Variants in ADK observed in about 807,000 individuals in gnomAD.
The protein encoded by ADK is adenosine kinase, also known as N6,N6-dimethyladenosine kinase.
Under a neutral mutation model 44.7 loss-of-function variants are expected in ADK, and 24 were observed. That is an observed-to-expected ratio of 0.54 (90% CI 0.39 to 0.76). The LOEUF (loss-of-function observed/expected upper bound fraction) is 0.76. Among genes scored for constraint, ADK ranks in the 30% least tolerant of loss-of-function variants. ADK has a pLI of 0.00. For missense variants in ADK, 321 were observed against 425.1 expected (o/e 0.76, Z 2.15); for synonymous variants, 128 against 142.6 (o/e 0.90, Z 0.73).
chr10:74,558,402 G>T (rs780423608), intron 7 of ADK, among the ~76,000 whole-genome samples: 19 of 152,204 alleles, frequency 1.2e-4, no homozygotes, highest in Non-Finnish European at 2.6e-4. Flanking sequence ...CATGTTGGAG[G>T]AAGGACCTGG....
chr10:74,508,820 G>T (rs1009673736), intron 6 of ADK, among the ~76,000 whole-genome samples: 1 of 151,968 alleles, frequency 6.6e-6, no homozygotes, highest in Non-Finnish European at 1.5e-5. Context: ...AGACTGTATT[G>T]TGTTATTTTA....
At chr10:74,234,097 T>C (rs1350040297) in intron 3 of ADK, among the ~76,000 whole-genome samples, 1 of 152,232 alleles carries the variant, frequency 6.6e-6, no homozygotes, top group Non-Finnish European at 1.5e-5. Context: ...GTAAGAGTTA[T>C]GCCAACACTA....
intron 4 of ADK, among the ~76,000 whole-genome samples, chr10:74,370,394 A>G (rs561129308): frequency 1.8e-4 from 27 of 152,188 alleles, no homozygotes; most frequent in Admixed American, 1.3e-4. Flanking sequence ...AAAAGTACTG[A>G]ACATCTCTGA....
chr10:74,659,685 G>A (rs1854626347), intron 9 of ADK, among the ~76,000 whole-genome samples: 1 of 152,186 alleles, frequency 6.6e-6, no homozygotes, highest in South Asian at 2.1e-4. Flanking sequence ...CTACAAGCTA[G>A]GAGCAAGGAA....
intron 3 of ADK, among the ~76,000 whole-genome samples, chr10:74,300,342 CCTTCCTTCCTTCCTTCCTTTCTTTCTTT>C (rs1839984679): frequency 1.4e-5 from 1 of 70,586 alleles, no homozygotes. Context: ...TTCCTTCCTT[CCTTCCTTCCTTCCTTCCTTTCTTTCTTT>C]CTTCTTTGTC....
intron 4 of ADK, among the ~76,000 whole-genome samples, chr10:74,367,016 A>G (rs1431594340): frequency 6.6e-6 from 1 of 152,248 alleles, no homozygotes; most frequent in African/African-American, 2.4e-5. Context: ...GAGCATTTTA[A>G]GAAGCGCTCT....
In ADK at chr10:74,652,871, A is replaced by G. The variant is rs545795553; in HGVS notation, c.878-17312A>G. ...TAGTTTGTTGTGTTTTCTAATTTCTATGGTGTAAATACTCTCACCATGACT... is the reference window on the plus strand; with the variant it reads ...TAGTTTGTTGTGTTTTCTAATTTCTGTGGTGTAAATACTCTCACCATGACT... On this transcript the variant is annotated intron_variant, in intron 9 of 10. Transcript: ENST00000539909. Among the ~76,000 whole-genome samples the G allele has an allele frequency of 1.5e-4, 23 of 152,266 alleles. No homozygotes were observed. The South Asian group carries it at 3.5e-3, about 23-fold the overall frequency.
rs150939836 is a variant in ADK, at chr10:74,586,066, A to G, written c.727-3216A>G. ...TCTGACAACTAAAATTCTGCTTACA[A>G]TTCTTACTGGGTCAAACTGTTCCCC... On this transcript the variant is annotated intron_variant, in intron 7 of 10. Coordinates refer to ENST00000539909, the MANE Select transcript of ADK (RefSeq NM_006721.4). 4.1e-3 allele frequency among the ~76,000 whole-genome samples: 619 copies of G among 152,246 alleles called. 8 individuals are homozygous for G. Among genetic ancestry groups the G allele is most frequent in the African/African-American group, 0.014 (568 of 41,544 alleles).
At chr10:74,197,531 T>C (rs1483311819) in intron 1 of ADK, among the ~76,000 whole-genome samples, 1 of 151,784 alleles carries the variant, frequency 6.6e-6, no homozygotes, top group Non-Finnish European at 1.5e-5. Context: ...GAAACCCCAT[T>C]TCTACTACAA....
chr10:74,373,535 A>T (rs1036789627), intron 4 of ADK, among the ~76,000 whole-genome samples: 1 of 152,186 alleles, frequency 6.6e-6, no homozygotes, highest in African/African-American at 2.4e-5. Context: ...CCAAAAGAAG[A>T]TATACAAATG....
chr10:74,330,441 T>TA (rs1333377505), intron 4 of ADK, among the ~76,000 whole-genome samples: 5 of 152,230 alleles, frequency 3.3e-5, no homozygotes, highest in Admixed American at 1.3e-4. Flanking sequence ...AATTTTTTTT[T>TA]AAAGCATGTT....
intron 6 of ADK, among the ~76,000 whole-genome samples, chr10:74,436,343 G>A (rs1439798449): frequency 1.3e-5 from 2 of 152,060 alleles, no homozygotes; most frequent in African/African-American, 4.8e-5. Flanking sequence ...GGAGGCGGAG[G>A]TTGCAGTGAG....
At chr10:74,510,108 G>C (rs997296385) in intron 6 of ADK, among the ~76,000 whole-genome samples, 1 of 152,150 alleles carries the variant, frequency 6.6e-6, no homozygotes, top group African/African-American at 2.4e-5. Flanking sequence ...CTAGTAGTAG[G>C]ATTGCTGGAT....
At chr10:74,283,178 G>A (rs1591982616) in intron 3 of ADK, among the ~76,000 whole-genome samples, 2 of 152,024 alleles carry the variant, frequency 1.3e-5, no homozygotes, top group South Asian at 2.1e-4. Flanking sequence ...TGTAGATGAC[G>A]TTTCTAATAC....
At chr10:74,368,586 G>A (rs1474685306) in intron 4 of ADK, among the ~76,000 whole-genome samples, 2 of 151,768 alleles carry the variant, frequency 1.3e-5, no homozygotes, top group Non-Finnish European at 2.9e-5. Flanking sequence ...TTACACTCCA[G>A]CTCTACCAGA....
At chr10:74,600,273 T>C (rs1044580651) in intron 8 of ADK, 106 bp from the exon 9 acceptor site, 1 of 706,388 alleles carries the variant, frequency 1.4e-6, no homozygotes, top group Non-Finnish European at 2.5e-6. Context: ...TTAATAGATA[T>C]GCAGGTCTCT....
chr10:74,528,442 A>G (rs1010071229), intron 7 of ADK: 5 of 150,504 alleles, frequency 3.3e-5, no homozygotes, highest in African/African-American at 1.2e-4. Flanking sequence ...GCAGATGCTG[A>G]TGATATCAAA....
intron 3 of ADK, among the ~76,000 whole-genome samples, chr10:74,246,218 A>G (rs558910873): frequency 1.6e-4 from 24 of 152,158 alleles, no homozygotes; most frequent in Admixed American, 1.3e-4. Context: ...TTTCATTCTC[A>G]TTCTCTCATG....
chr10:74,264,167 G>C (rs1042274156), intron 3 of ADK, among the ~76,000 whole-genome samples: 2 of 152,202 alleles, frequency 1.3e-5, no homozygotes, highest in Non-Finnish European at 2.9e-5. Flanking sequence ...TTATAGGCTA[G>C]TGCTCCTTGG....
Sources: gnomAD v4.1 joint callset for allele counts (sites outside exome capture counted in the v4.1 genomes callset) on GRCh38, gnomAD v4.1.1 for gene constraint, MANE v1.5 for transcripts, NCBI Gene and HGNC (gene_info 2026-07-23, HGNC 2026-07-21) for gene names.